The following RBFOX1 variants were observed in gnomAD, a reference collection of about 807,000 sequenced individuals.
The protein encoded by RBFOX1 is RNA binding protein fox-1 homolog 1.
Under a neutral mutation model 57.7 loss-of-function variants are expected in RBFOX1, and 8 were observed. The observed-to-expected ratio is 0.14, with a 90% CI of 0.08 to 0.25. RBFOX1 has a LOEUF of 0.25. Among genes scored for constraint, RBFOX1 ranks in the 10% least tolerant of loss-of-function variants. The probability of loss-of-function intolerance (pLI) is 1.00; values close to 1 mark genes in which losing one functional copy is unlikely to be tolerated. For missense variants in RBFOX1, 611 were observed against 548.5 expected, an observed-to-expected ratio of 1.11 and a Z score of -1.14; for synonymous variants, 326 against 222.4, an observed-to-expected ratio of 1.47 and a Z score of -4.15.
At chr16:5,688,229 A>T (rs572993592) in intron 3 of RBFOX1, among the ~76,000 whole-genome samples, 1 of 152,346 alleles carries the variant, frequency 6.6e-6, no homozygotes, top group African/African-American at 2.4e-5. Flanking sequence ...GTAGAATTTC[A>T]TAGAGGTGCA....
chr16:6,812,162 G>A (rs62016144), intron 3 of RBFOX1, among the ~76,000 whole-genome samples: 1 of 152,000 alleles, frequency 6.6e-6, no homozygotes, highest in African/African-American at 2.4e-5. Flanking sequence ...TGATTTTCAA[G>A]TAAAGGCCCC....
At chr16:5,293,145 A>G (rs1378756440) in intron 1 of RBFOX1, among the ~76,000 whole-genome samples, 3 of 151,662 alleles carry the variant, frequency 2.0e-5, no homozygotes, top group Admixed American at 6.6e-5. Context: ...ACATGACGAG[A>G]CCCTATTTCT....
chr16:5,557,182 C>T (rs2045710068), intron 2 of RBFOX1, among the ~76,000 whole-genome samples: 2 of 151,940 alleles, frequency 1.3e-5, no homozygotes, highest in Admixed American at 1.3e-4. Context: ...GTCGTTTGAA[C>T]CCAGGAGGCA....
intron 4 of RBFOX1, among the ~76,000 whole-genome samples, chr16:7,442,984 G>T (rs967155594): frequency 3.9e-5 from 6 of 152,156 alleles, no homozygotes; most frequent in Non-Finnish European, 5.9e-5. Flanking sequence ...TTCTCCCATA[G>T]TGCACTGGGA....
rs371270756 is a variant in RBFOX1, at chr16:5,482,762, T to C, written c.258+15508T>C. On this transcript the variant is annotated intron_variant, in intron 2 of 2. Transcript: ENST00000585867. ...GTTTTGCACAAAGGAGGGGTACTGGTGGACCATCTTGGTATTGCCTCTGGG... is the reference window on the plus strand; with the variant it reads ...GTTTTGCACAAAGGAGGGGTACTGGCGGACCATCTTGGTATTGCCTCTGGG... Among the ~76,000 whole-genome samples, 12 of 152,180 alleles carry C rather than the reference T, an allele frequency of 7.9e-5. No homozygotes were observed. In the East Asian group the frequency reaches 2.3e-3, roughly 29 times the overall value.
intron 3 of RBFOX1, among the ~76,000 whole-genome samples, chr16:6,955,438 G>T (rs1306504445): frequency 6.6e-6 from 1 of 151,688 alleles, no homozygotes; most frequent in Admixed American, 6.6e-5. Context: ...TGAGAACGTT[G>T]TTCTGTGTTC....
chr16:6,622,658 A>G (rs967636990), intron 2 of RBFOX1, among the ~76,000 whole-genome samples: 2 of 152,226 alleles, frequency 1.3e-5, no homozygotes, highest in Non-Finnish European at 2.9e-5. Flanking sequence ...ATACAAAACA[A>G]TTTTTAGAAG....
intron 3 of RBFOX1, among the ~76,000 whole-genome samples, chr16:7,015,022 C>T (rs958856644): frequency 6.6e-6 from 1 of 152,188 alleles, no homozygotes; most frequent in Non-Finnish European, 1.5e-5. Context: ...CCGTGCTTAG[C>T]TTCTTTACCA....
chr16:6,544,078 G>T (rs2096861283), intron 2 of RBFOX1, among the ~76,000 whole-genome samples: 1 of 152,182 alleles, frequency 6.6e-6, no homozygotes, highest in Non-Finnish European at 1.5e-5. Flanking sequence ...GTGCCATCTG[G>T]CCCATGAGCT....
intron 4 of RBFOX1, among the ~76,000 whole-genome samples, chr16:7,221,481 C>G (rs1471057380): frequency 6.6e-6 from 1 of 152,076 alleles, no homozygotes; most frequent in African/African-American, 2.4e-5. Flanking sequence ...ATTCTCCTGC[C>G]TCAGCTTCCA....
At chr16:5,717,465 G>C (rs551632968) in intron 3 of RBFOX1, among the ~76,000 whole-genome samples, 1 of 152,248 alleles carries the variant, frequency 6.6e-6, no homozygotes, top group East Asian at 1.9e-4. Context: ...CAAGCAGTGT[G>C]CACTGTATCC....
At chr16:6,767,165 C>G (rs146325890) in intron 3 of RBFOX1, among the ~76,000 whole-genome samples, 1 of 152,088 alleles carries the variant, frequency 6.6e-6, no homozygotes, top group Non-Finnish European at 1.5e-5. Context: ...GGCTCCTTAC[C>G]GAGCTCTAGA....
intron 14 of RBFOX1, among the ~76,000 whole-genome samples, chr16:7,694,433 C>G (rs900108142): frequency 2.0e-5 from 3 of 152,210 alleles, no homozygotes; most frequent in East Asian, 1.9e-4. Flanking sequence ...ACCCAACTAT[C>G]TCTGTTCTAA....
chr16:7,169,188 T>C (rs1034350414), intron 4 of RBFOX1, among the ~76,000 whole-genome samples: 5 of 152,212 alleles, frequency 3.3e-5, no homozygotes, highest in African/African-American at 1.2e-4. Flanking sequence ...GGCCATAGTT[T>C]CCTCATATTT....
intron 2 of RBFOX1, among the ~76,000 whole-genome samples, chr16:5,498,943 G>A (rs2043097107): frequency 6.6e-6 from 1 of 152,118 alleles, no homozygotes; most frequent in African/African-American, 2.4e-5. Context: ...TCTCACTGTT[G>A]GTGTGTAAGT....
At chr16:5,345,803 G>A (rs1225774799) in intron 1 of RBFOX1, among the ~76,000 whole-genome samples, 1 of 152,146 alleles carries the variant, frequency 6.6e-6, no homozygotes. Context: ...TTTTAACAAG[G>A]AGCCTTCTGT....
chr16:5,593,341 G>T (rs545573479), intron 2 of RBFOX1, among the ~76,000 whole-genome samples: 1 of 151,826 alleles, frequency 6.6e-6, no homozygotes, highest in Non-Finnish European at 1.5e-5. Flanking sequence ...GGGCCTGTCA[G>T]AGGGTGGGGG....
intron 3 of RBFOX1, among the ~76,000 whole-genome samples, chr16:5,823,733 T>C (rs1212223371): frequency 1.3e-5 from 2 of 152,102 alleles, no homozygotes; most frequent in African/African-American, 4.8e-5. Flanking sequence ...GCATGCTCCT[T>C]ATGAGAATTT....
chr16:7,165,413 A>AATAATAATAATAATAATG (rs1249375460), intron 4 of RBFOX1, among the ~76,000 whole-genome samples: 8 of 141,218 alleles, frequency 5.7e-5, no homozygotes, highest in African/African-American at 2.1e-4. Context: ...TAATAATGAT[A>AATAATAATAATAATAATG]ATAATCATTA....
Sources: gnomAD v4.1 joint callset for allele counts (sites outside exome capture counted in the v4.1 genomes callset) on GRCh38, gnomAD v4.1.1 for gene constraint, MANE v1.5 for transcripts, NCBI Gene and HGNC (gene_info 2026-07-23, HGNC 2026-07-21) for gene names.